GRIN2A: variants seen among roughly 807,000 people sequenced by gnomAD.
GRIN2A encodes the protein glutamate receptor ionotropic, NMDA 2A.
GRIN2A carries 22 observed loss-of-function variants against 113.4 expected under a neutral mutation model. That is an observed-to-expected ratio of 0.19 (90% CI 0.14 to 0.28). The LOEUF (loss-of-function observed/expected upper bound fraction) is 0.28, where lower values mean the gene tolerates loss of function less well. Among genes scored for constraint, GRIN2A ranks in the 10% least tolerant of loss-of-function variants. GRIN2A has a pLI of 1.00. For missense variants in GRIN2A, 1,502 were observed against 1,887.0 expected (o/e 0.80, Z 3.78); for synonymous variants, 827 against 738.4 (o/e 1.12, Z -1.94).
chr16:10,020,107 A>G (rs2046689001), intron 2 of GRIN2A, among the ~76,000 whole-genome samples: 5 of 152,214 alleles, frequency 3.3e-5, no homozygotes, highest in Admixed American at 1.3e-4. Flanking sequence ...GGAAAAAAAC[A>G]GTATACCAAA....
chr16:10,073,433 GGGGA>G (rs1191773303), intron 2 of GRIN2A, among the ~76,000 whole-genome samples: 1 of 152,162 alleles, frequency 6.6e-6, no homozygotes, highest in Non-Finnish European at 1.5e-5. Flanking sequence ...TCTGAAGCCA[GGGGA>G]GGTAGTTTTG....
intron 2 of GRIN2A, among the ~76,000 whole-genome samples, chr16:10,132,547 T>A (rs1215206539): frequency 6.6e-6 from 1 of 152,092 alleles, no homozygotes; most frequent in Non-Finnish European, 1.5e-5. Context: ...ACTCCTCATG[T>A]CCCTTGACAT....
intron 3 of GRIN2A, among the ~76,000 whole-genome samples, chr16:9,898,482 T>A (rs975881024): frequency 1.3e-5 from 2 of 152,234 alleles, no homozygotes; most frequent in African/African-American, 4.8e-5. Flanking sequence ...AATCTAATTA[T>A]TTGAGATGTT....
chr16:9,898,164 G>C (rs113610518), intron 3 of GRIN2A, among the ~76,000 whole-genome samples: 5 of 146,934 alleles, frequency 3.4e-5, no homozygotes, highest in Middle Eastern at 3.6e-3. Flanking sequence ...AAAATGCCTA[G>C]CACAGTGCCT....
At chr16:9,890,698 C>A (rs1361416805) in intron 4 of GRIN2A, among the ~76,000 whole-genome samples, 1 of 152,172 alleles carries the variant, frequency 6.6e-6, no homozygotes, top group Non-Finnish European at 1.5e-5. Context: ...AATGCTGCAA[C>A]CCAGACTTCA....
intron 4 of GRIN2A, among the ~76,000 whole-genome samples, chr16:9,873,031 C>G (rs2043297522): frequency 6.6e-6 from 1 of 151,994 alleles, no homozygotes; most frequent in African/African-American, 2.4e-5. Flanking sequence ...GGCAACAAAG[C>G]AAGACCCTGT....
At position 10,180,777 on chromosome 16, in the gene GRIN2A, T is replaced by C; in HGVS notation, c.-18-348A>G. On this transcript the variant is annotated intron_variant, in intron 1 of 12. Transcript: ENST00000330684. This position sits in a 1 kb window ranked among gnomAD's most constrained non-coding sequence, Gnocchi z 7.0. ...GGCCACAGACCCTAAGCGCCGCGCG[T>C]GTTCTGTACCCCACCAAGCTCCTAG... 2.3e-6 allele frequency: 1 copy of C among 430,130 alleles called. No individual in the cohort carries two copies. The highest frequency in any genetic ancestry group is 2.2e-5 in the South Asian group (1 of 45,080). 26.6% of individuals were successfully genotyped at this position (430,130 alleles called of 1,614,324 possible).
At chr16:9,800,721 T>C (rs1903307732) in intron 10 of GRIN2A, among the ~76,000 whole-genome samples, 1 of 151,662 alleles carries the variant, frequency 6.6e-6, no homozygotes. Context: ...GCTCTGAGAG[T>C]ATTAAAGGGA....
chr16:10,000,408 C>T (rs564623493), intron 2 of GRIN2A, among the ~76,000 whole-genome samples: 2 of 152,206 alleles, frequency 1.3e-5, no homozygotes, highest in South Asian at 4.2e-4. Flanking sequence ...CATGTCTCAG[C>T]TATCAAGAGA....
At chr16:10,149,174 T>C (rs2142285853) in intron 2 of GRIN2A, among the ~76,000 whole-genome samples, 1 of 152,338 alleles carries the variant, frequency 6.6e-6, no homozygotes, top group South Asian at 2.1e-4. Flanking sequence ...AGAGAGTGAC[T>C]GTAGTTAATA....
intron 2 of GRIN2A, among the ~76,000 whole-genome samples, chr16:9,993,177 G>T (rs1033412783): frequency 7.2e-5 from 11 of 152,076 alleles, no homozygotes; most frequent in Non-Finnish European, 1.6e-4. Context: ...AGGTTGCAGT[G>T]AGCCGAGATC....
At chr16:9,911,058 C>G (rs2044125545) in intron 3 of GRIN2A, among the ~76,000 whole-genome samples, 2 of 152,086 alleles carry the variant, frequency 1.3e-5, no homozygotes. Flanking sequence ...CACATTTTAT[C>G]CTATAGTCCC....
rs545931682 is a variant in GRIN2A at position 9,974,640 on chromosome 16, C to T, written c.415-36089G>A. On this transcript the variant is annotated intron_variant, in intron 2 of 12. Coordinates refer to ENST00000330684, the MANE Select transcript of GRIN2A (RefSeq NM_001134407.3). ...TGTCTGAGGAGTTTTGTCTGCGGCT[C>T]GTCCTGCTACAAGGGGAATGAGTAG... 7.9e-5 allele frequency among the ~76,000 whole-genome samples: 12 copies of T among 152,208 alleles called. No individual in the cohort carries two copies. The East Asian group carries it at 9.6e-4, about 12-fold the overall frequency.
At chr16:9,888,265 C>A (rs765451823) in intron 4 of GRIN2A, among the ~76,000 whole-genome samples, 6 of 152,282 alleles carry the variant, frequency 3.9e-5, no homozygotes, top group Non-Finnish European at 8.8e-5. Context: ...CTAACAGTGT[C>A]TTTAGATGAG....
intron 4 of GRIN2A, among the ~76,000 whole-genome samples, chr16:9,889,216 C>G (rs2043645478): frequency 6.6e-6 from 1 of 152,144 alleles, no homozygotes; most frequent in African/African-American, 2.4e-5. Context: ...AGAATTTGCC[C>G]ATTTTATCTA....
At chr16:9,873,680 C>T (rs749063904) in intron 4 of GRIN2A, among the ~76,000 whole-genome samples, 2 of 152,188 alleles carry the variant, frequency 1.3e-5, no homozygotes, top group East Asian at 1.9e-4. Flanking sequence ...GAACAAGTCT[C>T]GTCTCTAAAT....
At chr16:10,075,838 T>C (rs1046559370) in intron 2 of GRIN2A, among the ~76,000 whole-genome samples, 1 of 152,046 alleles carries the variant, frequency 6.6e-6, no homozygotes, top group African/African-American at 2.4e-5. Flanking sequence ...AAATAGAGAA[T>C]TAAATATAAT....
At chr16:10,092,199 AC>A (rs2048195701) in intron 2 of GRIN2A, among the ~76,000 whole-genome samples, 1 of 152,192 alleles carries the variant, frequency 6.6e-6, no homozygotes, top group Non-Finnish European at 1.5e-5. Context: ...AAATAATTCT[AC>A]CCAAACAATA....
At chr16:10,019,203 A>T (rs1486346107) in intron 2 of GRIN2A, among the ~76,000 whole-genome samples, 1 of 152,204 alleles carries the variant, frequency 6.6e-6, no homozygotes, top group Non-Finnish European at 1.5e-5. Flanking sequence ...CACTAACAGT[A>T]CCTTCATGTG....
Sources: allele counts gnomAD v4.1 joint callset (sites outside exome capture counted in the v4.1 genomes callset), GRCh38; gene constraint gnomAD v4.1.1; non-coding constraint Gnocchi (gnomAD v3.1); transcripts MANE v1.5; gene names NCBI Gene and HGNC (gene_info 2026-07-23, HGNC 2026-07-21).